Variants in IFNGR2 observed in about 807,000 individuals in gnomAD.
The protein encoded by IFNGR2 is interferon gamma receptor 2, also known as IFN-gamma receptor 2.
Under a neutral mutation model 41.1 loss-of-function variants are expected in IFNGR2, and 15 were observed. The observed-to-expected ratio is 0.37, with a 90% CI of 0.24 to 0.56. The LOEUF is 0.56. IFNGR2 is among the 20% of genes least tolerant of loss of function. The probability of loss-of-function intolerance (pLI) is 0.81; values close to 1 mark genes in which losing one functional copy is unlikely to be tolerated. For synonymous variants in IFNGR2, 161 were observed against 171.6 expected, an observed-to-expected ratio of 0.94 and a Z score of 0.48; for missense variants, 362 against 415.7, an observed-to-expected ratio of 0.87 and a Z score of 1.12.
intron 1 of IFNGR2, among the ~76,000 whole-genome samples, chr21:33,410,398 C>T (rs2083707259): frequency 6.6e-6 from 1 of 151,872 alleles, no homozygotes; most frequent in South Asian, 2.1e-4. Context: ...AACTCCTGAC[C>T]TCATGATCCA....
intron 1 of IFNGR2, chr21:33,411,604 T>C (rs1444559135): frequency 6.8e-6 from 3 of 441,638 alleles, no homozygotes; most frequent in Non-Finnish European, 1.4e-5. Context: ...TGTGGGGAGA[T>C]TGTCTTGCAT....
intron 2 of IFNGR2, among the ~76,000 whole-genome samples, chr21:33,418,801 A>G (rs370388117): frequency 1.3e-5 from 2 of 152,214 alleles, no homozygotes; most frequent in South Asian, 2.1e-4. Context: ...CTTAGAAAAA[A>G]ATAATAATAA....
In IFNGR2 at chr21:33,414,926, A is replaced by G. The variant is rs2083743355; in HGVS notation, c.112A>G (p.Ile38Val). The stretch of plus-strand genomic sequence containing the variant: ...GCTGCCCGCTCCTCAGCACCCGAAG[A>G]TTCGCCTGTACAACGCAGAGCAGGT... ...SQLPAPQHPK[I>V]RLYNAEQVLS... Residue 38 changes from isoleucine (I) to valine (V), a missense_variant, in exon 2 of 7, where the codon ATT (isoleucine) becomes GTT (valine). Transcript: ENST00000290219. 2.5e-6 allele frequency: 4 copies of G among 1,614,010 alleles called. No homozygotes were observed. The highest frequency in any genetic ancestry group is 3.4e-6 in the Non-Finnish European group (4 of 1,180,028).
intron 1 of IFNGR2, among the ~76,000 whole-genome samples, chr21:33,413,289 G>C (rs982056894): frequency 1.3e-5 from 2 of 152,170 alleles, no homozygotes; most frequent in African/African-American, 2.4e-5. Flanking sequence ...CTTCGGCCCA[G>C]GATGTCATGA....
At chr21:33,429,069 CTCTGGGCT>C (rs2083863794) in intron 4 of IFNGR2, among the ~76,000 whole-genome samples, 1 of 152,164 alleles carries the variant, frequency 6.6e-6, no homozygotes, top group Non-Finnish European at 1.5e-5. Context: ...CACTTAGCCT[CTCTGGGCT>C]GCAGCTTCCT....
At chr21:33,427,895 A>G (rs1476031687) in intron 4 of IFNGR2, among the ~76,000 whole-genome samples, 1 of 89,920 alleles carries the variant, frequency 1.1e-5, no homozygotes, top group Non-Finnish European at 2.1e-5. Context: ...ATGCCCAGCT[A>G]GTTTTTGTAT....
At chr21:33,413,381 A>G (rs1315548535) in intron 1 of IFNGR2, among the ~76,000 whole-genome samples, 2 of 152,144 alleles carry the variant, frequency 1.3e-5, no homozygotes, top group Middle Eastern at 6.3e-3. Context: ...GGGGAGGGGC[A>G]TCCTATAACT....
chr21:33,412,038 C>T (rs1160644945), intron 1 of IFNGR2, among the ~76,000 whole-genome samples: 1 of 152,176 alleles, frequency 6.6e-6, no homozygotes, highest in African/African-American at 2.4e-5. Flanking sequence ...ATCCTCCCGC[C>T]TCAGCCCCTT....
At chr21:33,420,420 G>A (rs1450886436) in intron 2 of IFNGR2, among the ~76,000 whole-genome samples, 1 of 152,188 alleles carries the variant, frequency 6.6e-6, no homozygotes, top group Non-Finnish European at 1.5e-5. Context: ...CCACGTGGGA[G>A]TGTGGCATTG....
chr21:33,415,042 AT>A, intron 2 of IFNGR2, 22 bp downstream of exon 2: 1 of 1,613,652 alleles, frequency 6.2e-7, no homozygotes, highest in Non-Finnish European at 8.5e-7. Flanking sequence ...TTTCTGTTGG[AT>A]CCTTGCTGGG....
rs769963583 is a variant in IFNGR2, at chr21:33,427,003, C to A, written c.532C>A (p.His178Asn). The A allele has an allele frequency of 3.1e-6, 5 of 1,613,242 alleles. No individual in the cohort carries two copies. The highest frequency in any genetic ancestry group is 4.2e-6 in the Non-Finnish European group (5 of 1,179,442). Residue 178 changes from histidine to asparagine, a missense_variant, in exon 4 of 7, where the codon CAT becomes AAT. Physicochemically the swap from His to Asn is moderately conservative, Grantham distance 68 (BLOSUM62 1). Transcript: ENST00000290219. ...CACGGCCTTTTTTTGTTATTATGTCCATTACTGGGAAAAAGGAGGAATCCA... is the reference window on the plus strand; with the variant it reads ...CACGGCCTTTTTTTGTTATTATGTCAATTACTGGGAAAAAGGAGGAATCCA... ...TSTAFFCYYV[H>N]YWEKGGIQQV...
chr21:33,415,255 T>C (rs572876750), intron 2 of IFNGR2, among the ~76,000 whole-genome samples: 1 of 152,340 alleles, frequency 6.6e-6, no homozygotes, highest in East Asian at 1.9e-4. Context: ...ACACGGGTTC[T>C]TGCTTTGGTG....
At chr21:33,403,997 G>A (rs1359221953) in intron 1 of IFNGR2, among the ~76,000 whole-genome samples, 3 of 152,190 alleles carry the variant, frequency 2.0e-5, no homozygotes, top group Non-Finnish European at 2.9e-5. Flanking sequence ...CGTGAAGCCG[G>A]TAACCTCGGC....
chr21:33,425,286 G>T (rs955963761), intron 3 of IFNGR2, among the ~76,000 whole-genome samples: 1 of 152,160 alleles, frequency 6.6e-6, no homozygotes, highest in Non-Finnish European at 1.5e-5. Context: ...TTTACCTGGA[G>T]ACTCCACACA....
In IFNGR2 at chr21:33,410,979, T is replaced by C. The variant is rs1006564471; in HGVS notation, c.74-3909T>C. On this transcript the variant is annotated intron_variant, in intron 1 of 6. Coordinates refer to ENST00000290219, the MANE Select transcript of IFNGR2 (RefSeq NM_005534.4). Reference sequence around the variant, plus strand: ...TCTCCCCAGCCTTCCAGCCCTGGTGTTTCCCATCGGGGGCCATGTGGCCTG... The same window carrying C: ...TCTCCCCAGCCTTCCAGCCCTGGTGCTTCCCATCGGGGGCCATGTGGCCTG... The C allele has an allele frequency of 3.0e-6, 3 of 995,224 alleles. No individual in the cohort carries two copies. In the African/African-American group the frequency reaches 4.8e-5, roughly 16 times the overall value. The allele number at this position is 995,224 out of a possible 1,614,324, so 61.6% of individuals were successfully genotyped here. A position where few individuals can be genotyped will look rare whatever the true frequency, so the allele number is the denominator to read the frequency against.
chr21:33,407,082 G>GA (rs1343589583), intron 1 of IFNGR2, among the ~76,000 whole-genome samples: 2 of 152,102 alleles, frequency 1.3e-5, no homozygotes, highest in Admixed American at 1.3e-4. Context: ...GCGCTAGATA[G>GA]AAAAATGTAA....
rs186418679 is a variant in IFNGR2, at chr21:33,403,643, G to A, written c.73+27G>A. ...TGAGCCGGGCCTGGGCCTCCGCGGC[G>A]GGACGCGGGCGCAGCCGCAGCATGT... On this transcript the variant is annotated intron_variant, in intron 1 of 6. Transcript: ENST00000290219. 5.0e-5 allele frequency: 65 copies of A among 1,299,912 alleles called. 1 individual carries two copies. The African/African-American group carries it at 8.1e-4, about 16-fold the overall frequency. 80.5% of individuals were successfully genotyped at this position (1,299,912 alleles called of 1,614,324 possible). A position where few individuals can be genotyped will look rare whatever the true frequency, so the allele number is the denominator to read the frequency against.
chr21:33,429,589 G>A (rs1182323067), intron 4 of IFNGR2, among the ~76,000 whole-genome samples: 2 of 152,152 alleles, frequency 1.3e-5, no homozygotes, highest in African/African-American at 4.8e-5. Context: ...AGTCACGCAG[G>A]ATACACTTCA....
chr21:33,414,938 A>G lies in IFNGR2; in HGVS notation c.124A>G (p.Asn42Asp), dbSNP rs371446557. 2.5e-6 allele frequency: 4 copies of G among 1,614,166 alleles called. No individual in the cohort carries two copies. The East Asian group carries it at 6.7e-5, about 27-fold the overall frequency. The change falls in exon 2 of 7, where the codon AAC becomes GAC. Residue 42 changes from asparagine to aspartate, a missense_variant. Physicochemically the swap from Asn to Asp is conservative, Grantham distance 23. Coordinates refer to ENST00000290219, the MANE Select transcript of IFNGR2 (RefSeq NM_005534.4). ...TCAGCACCCGAAGATTCGCCTGTACAACGCAGAGCAGGTCCTGAGTTGGGA... is the reference window on the plus strand; with the variant it reads ...TCAGCACCCGAAGATTCGCCTGTACGACGCAGAGCAGGTCCTGAGTTGGGA... Reference protein sequence around the residue: ...APQHPKIRLYNAEQVLSWEPV... With the variant: ...APQHPKIRLYDAEQVLSWEPV...
Sources: gnomAD v4.1 joint callset for allele counts (sites outside exome capture counted in the v4.1 genomes callset) on GRCh38, gnomAD v4.1.1 for gene constraint, MANE v1.5 for transcripts, NCBI Gene and HGNC (gene_info 2026-07-23, HGNC 2026-07-21) for gene names.